Variants in POLR2K observed in about 807,000 individuals in gnomAD.
The protein encoded by POLR2K is RNA polymerase II, I and III subunit K, also known as DNA-directed RNA polymerases I, II, and III subunit RPABC4.
POLR2K carries 9 observed loss-of-function variants against 10.1 expected under a neutral mutation model. That is an observed-to-expected ratio of 0.89 (90% CI 0.54 to 1.56). The LOEUF (loss-of-function observed/expected upper bound fraction) is 1.56. Among genes scored for constraint, POLR2K ranks in the 40% most tolerant of loss-of-function variants. POLR2K has a pLI of 0.00. For missense variants in POLR2K, 53 were observed against 71.9 expected, an observed-to-expected ratio of 0.74 and a Z score of 0.95; for synonymous variants, 19 against 20.3, an observed-to-expected ratio of 0.94 and a Z score of 0.17.
intron 1 of POLR2K, 138 bp downstream of exon 1, chr8:100,150,847 A>G (rs1427835605): frequency 1.3e-5 from 2 of 157,278 alleles, no homozygotes; most frequent in Admixed American, 1.2e-4. Context: ...TCTTTTCCCT[A>G]TTTTCTTTTA....
chr8:100,151,696 G>A (rs1814921518), intron 2 of POLR2K, 128 bp from the exon 3 acceptor site: 2 of 600,636 alleles, frequency 3.3e-6, no homozygotes, highest in Admixed American at 3.3e-5. Context: ...TTTAATAAAA[G>A]CAGCAGACCC....
chr8:100,151,226 G>C, intron 1 of POLR2K, 121 bp from the exon 2 acceptor site: 1 of 748,662 alleles, frequency 1.3e-6, no homozygotes, highest in South Asian at 1.4e-5. Flanking sequence ...TAACCCATAG[G>C]ATTTGGGGAA....
chr8:100,153,200 C>T, intron 3 of POLR2K, 94 bp from the exon 4 acceptor site: 1 of 859,938 alleles, frequency 1.2e-6, no homozygotes, highest in Non-Finnish European at 1.8e-6. Context: ...AGTTAAATAA[C>T]AAACCAGCTT....
intron 1 of POLR2K, 148 bp from the exon 2 acceptor site, chr8:100,151,199 G>C: frequency 1.5e-6 from 1 of 659,300 alleles, no homozygotes; most frequent in South Asian, 1.7e-5. Flanking sequence ...GTGTGTATGC[G>C]TTTCGTCCTT....
At chr8:100,152,209 C>T (rs1283759537) in intron 3 of POLR2K, 6 of 533,594 alleles carry the variant, frequency 1.1e-5, no homozygotes, top group African/African-American at 3.9e-5. Flanking sequence ...CCTACAGAAA[C>T]CTAGACCGTA....
rs1247339543 is a variant in POLR2K, at chr8:100,153,867, AAC to A, written c.*557_*558del. The A allele has an allele frequency of 1.3e-5, 2 of 152,230 alleles. No homozygotes were observed. Among genetic ancestry groups the A allele is most frequent in the East Asian group, 3.8e-4 (2 of 5,202 alleles). The allele number at this position is 152,230 out of a possible 1,614,324, so 9.4% of individuals were successfully genotyped here. A position where few individuals can be genotyped will look rare whatever the true frequency, so the allele number is the denominator to read the frequency against. ...TTTTGTTTTATTGTATATGTAATTT[AAC>A]ACACAATAAAGGGTAAAGTTGCTTC... On this transcript the variant is annotated 3_prime_UTR_variant, in exon 4 of 4. Transcript: ENST00000353107.
At chr8:100,153,211 A>G in intron 3 of POLR2K, 83 bp from the exon 4 acceptor site, 1 of 958,668 alleles carries the variant, frequency 1.0e-6, no homozygotes, top group African/African-American at 1.7e-5. Flanking sequence ...AAACCAGCTT[A>G]TTGCAAAGAG....
At chr8:100,152,316 G>GT (rs1440410931) in intron 3 of POLR2K, 5 of 220,350 alleles carry the variant, frequency 2.3e-5, no homozygotes, top group African/African-American at 1.1e-4. Flanking sequence ...ATAGACAATT[G>GT]TAACACAATG....
In POLR2K at chr8:100,151,843, A is replaced by G; in HGVS notation, c.81A>G (p.Glu27=). ...TTCTAGAGTGTCACACAGAAAATGAAATAAAATCTAGGGATCCAATCAGAT... is the reference window on the plus strand; with the variant it reads ...TTCTAGAGTGTCACACAGAAAATGAGATAAAATCTAGGGATCCAATCAGAT... The part of the protein sequence containing the change: ...YICGECHTEN[E]IKSRDPIRCR... Residue 27 remains glutamate, a synonymous_variant, in exon 3 of 4, where the codon GAA becomes GAG. Transcript: ENST00000353107. 1.9e-6 allele frequency: 3 copies of G among 1,549,304 alleles called. No homozygotes were observed. Among genetic ancestry groups the G allele is most frequent in the Non-Finnish European group, 2.7e-6 (3 of 1,131,604 alleles).
rs148821867 is a variant in POLR2K, at chr8:100,153,604, T to C, written c.*288T>C. 1.7e-3 allele frequency: 498 copies of C among 285,658 alleles called. 6 individuals carry two copies. Among genetic ancestry groups the C allele is most frequent in the African/African-American group, 0.01 (469 of 45,516 alleles). The allele number at this position is 285,658 out of a possible 1,614,324, so 17.7% of individuals were successfully genotyped here. ...TGATAACATACTATAATAAAAGTTA[T>C]GTGAATGTGGTTGGTCTCTCTTGCT... On this transcript the variant is annotated 3_prime_UTR_variant, in exon 4 of 4. Coordinates refer to ENST00000353107, the MANE Select transcript of POLR2K (RefSeq NM_005034.4).
At chr8:100,152,281 C>T (rs1220391196) in intron 3 of POLR2K, 2 of 351,374 alleles carry the variant, frequency 5.7e-6, no homozygotes, top group African/African-American at 4.3e-5. Context: ...AGGCTACACA[C>T]CTGTACAGCA....
chr8:100,152,225 T>C, intron 3 of POLR2K: 1 of 502,832 alleles, frequency 2.0e-6, no homozygotes, highest in East Asian at 3.7e-5. Flanking sequence ...CCGTATATCC[T>C]ACTATACATA....
At chr8:100,152,293 G>A in intron 3 of POLR2K, 1 of 299,542 alleles carries the variant, frequency 3.3e-6, no homozygotes, top group South Asian at 6.3e-5. Flanking sequence ...TGTACAGCAT[G>A]CTATTGTACT....
At position 100,153,965 on chromosome 8, in the gene POLR2K, CCT is replaced by C. The variant is rs1187067777; in HGVS notation, c.*652_*653del. 2.0e-5 allele frequency: 3 copies of C among 152,120 alleles called. No homozygotes were observed. Among genetic ancestry groups the C allele is most frequent in the Non-Finnish European group, 2.9e-5 (2 of 68,026 alleles). The allele number at this position is 152,120 out of a possible 1,614,324, so 9.4% of individuals were successfully genotyped here. On this transcript the variant is annotated 3_prime_UTR_variant, in exon 4 of 4. Coordinates refer to ENST00000353107, the MANE Select transcript of POLR2K (RefSeq NM_005034.4). ...TGTTAAAAATGCAGGTTTCTAGAAC[CCT>C]CTGAAGTTCTGATTAAATAAATTTA...
Position 100,153,448 on chromosome 8 carries a change from C to T in POLR2K, c.*132C>T. ...CTTCGGGAGATACATTCCAAGGCCCCCAGTGAACTCCTGAAACCTCAAACA... is the reference window on the plus strand; with the variant it reads ...CTTCGGGAGATACATTCCAAGGCCCTCAGTGAACTCCTGAAACCTCAAACA... On this transcript the variant is annotated 3_prime_UTR_variant, in exon 4 of 4. Transcript: ENST00000353107. 1.4e-6 allele frequency: 1 copy of T among 728,194 alleles called. No homozygotes were observed. Among genetic ancestry groups the T allele is most frequent in the Non-Finnish European group, 2.4e-6 (1 of 420,084 alleles). The allele number at this position is 728,194 out of a possible 1,614,324, so 45.1% of individuals were successfully genotyped here. A position where few individuals can be genotyped will look rare whatever the true frequency, so the allele number is the denominator to read the frequency against.
In POLR2K at chr8:100,151,458, G is replaced by A. The variant is rs1215753906; in HGVS notation, c.61+42G>A. On this transcript the variant is annotated intron_variant, in intron 2 of 3. Coordinates refer to ENST00000353107, the MANE Select transcript of POLR2K (RefSeq NM_005034.4). ...CCTAAAGTAAGAATATTTTATTTAA[G>A]TTTTTTTGAAATTGTTACATTTATT... 7.8e-6 allele frequency: 10 copies of A among 1,276,342 alleles called. No individual in the cohort carries two copies. In the African/African-American group the frequency reaches 1.3e-4, roughly 17 times the overall value. The allele number at this position is 1,276,342 out of a possible 1,614,324, so 79.1% of individuals were successfully genotyped here. A position where few individuals can be genotyped will look rare whatever the true frequency, so the allele number is the denominator to read the frequency against.
chr8:100,151,914 G>A lies in POLR2K; in HGVS notation c.152G>A (p.Arg51Lys). 1 of 1,318,916 alleles carries A rather than the reference G, an allele frequency of 7.6e-7. No individual in the cohort carries two copies. Among genetic ancestry groups the A allele is most frequent in the South Asian group, 1.2e-5 (1 of 84,230 alleles). 81.7% of individuals were successfully genotyped at this position (1,318,916 alleles called of 1,614,324 possible). A position where few individuals can be genotyped will look rare whatever the true frequency, so the allele number is the denominator to read the frequency against. Reference protein sequence around the residue: ...YRIMYKKRTKRLVVFDAR With the variant: ...YRIMYKKRTKKLVVFDAR ...ATAATGTACAAGAAAAGGACTAAAA[G>A]ATGTATCCTTTTAACGATGCTTTCT... Residue 51 changes from arginine (R) to lysine (K), a missense_variant and splice_region_variant, in exon 3 of 4, where the codon AGA (arginine) becomes AAA (lysine). Physicochemically the swap from Arg to Lys is conservative, Grantham distance 26 (BLOSUM62 2). Coordinates refer to ENST00000353107, the MANE Select transcript of POLR2K (RefSeq NM_005034.4).
rs111265537 is a variant in POLR2K, at chr8:100,152,763, G to T, written c.155-531G>T. Reference sequence around the variant, plus strand: ...TAACATTACTTTAGTGTTTTTTTTTGTTTGTTTTTTGTTTTTTTTTGAGAC... The same window carrying T: ...TAACATTACTTTAGTGTTTTTTTTTTTTTGTTTTTTGTTTTTTTTTGAGAC... On this transcript the variant is annotated intron_variant, in intron 3 of 3. Transcript: ENST00000353107. Among the ~76,000 whole-genome samples, 910 of 151,648 alleles carry T rather than the reference G, an allele frequency of 6.0e-3. 15 individuals are homozygous for T. Among genetic ancestry groups the T allele is most frequent in the African/African-American group, 0.021 (881 of 41,342 alleles).
chr8:100,151,543 A>T (rs1433615975), intron 2 of POLR2K, 127 bp downstream of exon 2: 2 of 697,400 alleles, frequency 2.9e-6, no homozygotes, highest in Non-Finnish European at 4.9e-6. Context: ...TAGCAACCAT[A>T]AAAAAAATCG....
Sources: allele counts gnomAD v4.1 joint callset (sites outside exome capture counted in the v4.1 genomes callset), GRCh38; gene constraint gnomAD v4.1.1; transcripts MANE v1.5; gene names NCBI Gene and HGNC (gene_info 2026-07-23, HGNC 2026-07-21).